SRRM3: variants seen among roughly 807,000 people sequenced by gnomAD.
SRRM3 encodes serine/arginine repetitive matrix protein 3.
A neutral mutation model predicts 66.2 loss-of-function variants in SRRM3; 27 were observed. The observed-to-expected ratio is 0.41, with a 90% CI of 0.30 to 0.56. The LOEUF (loss-of-function observed/expected upper bound fraction) is 0.56. Among genes scored for constraint, SRRM3 ranks in the 20% least tolerant of loss-of-function variants. The pLI, the probability that SRRM3 is intolerant of heterozygous loss-of-function variation, is 0.32. For missense variants in SRRM3, 918 were observed against 991.9 expected (o/e 0.93, Z 1.00); for synonymous variants, 391 against 414.9 (o/e 0.94, Z 0.70).
intron 10 of SRRM3, among the ~76,000 whole-genome samples, chr7:76,266,290 T>C (rs1468218155): frequency 8.3e-6 from 1 of 120,324 alleles, no homozygotes; most frequent in Non-Finnish European, 1.6e-5. Flanking sequence ...TATATATTTA[T>C]ATATTTAATA....
chr7:76,261,273 GCACCCAGGTCT>G, intron 6 of SRRM3, 68 bp from the exon 7 acceptor site: 1 of 907,332 alleles, frequency 1.1e-6, no homozygotes. Flanking sequence ...AATGTCCCAA[GCACCCAGGTCT>G]CTCCAGCCAT....
intron 3 of SRRM3, among the ~76,000 whole-genome samples, chr7:76,258,606 C>G (rs1246784994): frequency 6.7e-6 from 1 of 150,158 alleles, no homozygotes; most frequent in South Asian, 2.1e-4. Context: ...CCCAGCTACT[C>G]GGGAGGCTGA....
intron 11 of SRRM3, chr7:76,268,200 G>T (rs1554610066): frequency 1.3e-5 from 2 of 152,392 alleles, no homozygotes; most frequent in African/African-American, 4.8e-5. Flanking sequence ...CTACAGGCAG[G>T]TGCAATGGGG....
At chr7:76,259,761 C>A in intron 3 of SRRM3, 145 bp from the exon 4 acceptor site, 2 of 1,245,982 alleles carry the variant, frequency 1.6e-6, no homozygotes, top group Non-Finnish European at 2.2e-6. Context: ...CCCTGTAAGG[C>A]CAGGGGCCGC....
In SRRM3 at chr7:76,255,124, TTTTCTTTC is replaced by T. The variant is rs377584837; in HGVS notation, c.336-4762_336-4755del. On this transcript the variant is annotated intron_variant, in intron 3 of 14. Coordinates refer to ENST00000611745, the MANE Select transcript of SRRM3 (RefSeq NM_001110199.3). The stretch of plus-strand genomic sequence containing the variant: ...CATATTTGGGTAACATTATTTTTCC[TTTTCTTTC>T]TTTCTTTCTTTCTTTCTTTTTTTTT... 3.3e-3 allele frequency among the ~76,000 whole-genome samples: 460 copies of T among 139,506 alleles called. 7 individuals carry two copies. The highest frequency in any genetic ancestry group is 0.011 in the African/African-American group (389 of 34,088). The allele number at this position is 139,506 out of a possible 152,430, so 91.5% of individuals were successfully genotyped here.
At chr7:76,268,074 C>G (rs1259232649) in intron 11 of SRRM3, 1 of 151,900 alleles carries the variant, frequency 6.6e-6, no homozygotes, top group African/African-American at 2.4e-5. Flanking sequence ...CCTGCCGGCT[C>G]CTCTTCCCAC....
intron 1 of SRRM3, among the ~76,000 whole-genome samples, chr7:76,221,916 C>T (rs1554603253): frequency 6.6e-6 from 1 of 152,220 alleles, no homozygotes; most frequent in Admixed American, 6.5e-5. Context: ...CCTACCCAGG[C>T]ACTGTACACA....
intron 1 of SRRM3, among the ~76,000 whole-genome samples, chr7:76,221,926 A>C (rs1800732528): frequency 6.6e-6 from 1 of 152,198 alleles, no homozygotes; most frequent in African/African-American, 2.4e-5. Context: ...CACTGTACAC[A>C]CGTTATTCCT....
chr7:76,256,866 C>T (rs1343586650), intron 3 of SRRM3, among the ~76,000 whole-genome samples: 6 of 151,924 alleles, frequency 3.9e-5, no homozygotes, highest in Middle Eastern at 3.2e-3. Flanking sequence ...TGCGCCACCA[C>T]GCCTGGCTAA....
rs1554609947 is a variant in SRRM3, at chr7:76,267,455, CG to C, written c.1008+22del. 8.1e-7 allele frequency: 1 copy of C among 1,233,068 alleles called. No individual in the cohort carries two copies. Among genetic ancestry groups the C allele is most frequent in the East Asian group, 4.1e-5 (1 of 24,176 alleles). The allele number at this position is 1,233,068 out of a possible 1,614,324, so 76.4% of individuals were successfully genotyped here. A position where few individuals can be genotyped will look rare whatever the true frequency, so the allele number is the denominator to read the frequency against. ...CCCGATGTACGTACGCTTCGCTTTG[CG>C]GAGGGTTCCCGCGCCGCGGGCTGCG... On this transcript the variant is annotated intron_variant, in intron 11 of 14. Transcript: ENST00000611745.
chr7:76,229,191 C>T (rs531242207), intron 1 of SRRM3, among the ~76,000 whole-genome samples: 4 of 152,050 alleles, frequency 2.6e-5, no homozygotes, highest in African/African-American at 7.2e-5. Flanking sequence ...AGCCACCGCG[C>T]CCAGCCGAGA....
intron 11 of SRRM3, among the ~76,000 whole-genome samples, chr7:76,276,078 C>T (rs1481134998): frequency 7.1e-6 from 1 of 139,894 alleles, no homozygotes; most frequent in African/African-American, 3.1e-5. Flanking sequence ...AGACCCCCAT[C>T]TCAAAAAATA....
chr7:76,253,195 C>T (rs544288392), intron 3 of SRRM3, among the ~76,000 whole-genome samples: 1 of 144,630 alleles, frequency 6.9e-6, no homozygotes, highest in Non-Finnish European at 1.5e-5. Context: ...CATTAAAGAA[C>T]ACTGTTCTTG....
At chr7:76,258,541 C>T (rs959197423) in intron 3 of SRRM3, among the ~76,000 whole-genome samples, 1 of 150,890 alleles carries the variant, frequency 6.6e-6, no homozygotes, top group Non-Finnish European at 1.5e-5. Context: ...GGTGAAACCC[C>T]GTCTCTACTA....
At chr7:76,244,785 C>G (rs782754026) in intron 2 of SRRM3, among the ~76,000 whole-genome samples, 1 of 152,218 alleles carries the variant, frequency 6.6e-6, no homozygotes, top group Non-Finnish European at 1.5e-5. Context: ...CTCCAGTTCT[C>G]TCTTCTCCAG....
intron 1 of SRRM3, among the ~76,000 whole-genome samples, chr7:76,204,179 C>T (rs1009249045): frequency 3.9e-5 from 6 of 152,152 alleles, no homozygotes; most frequent in Admixed American, 1.3e-4. Flanking sequence ...CAGCTACTAG[C>T]GCTGCTGGGG....
chr7:76,283,222 G>A, intron 14 of SRRM3, 121 bp downstream of exon 14: 1 of 1,184,210 alleles, frequency 8.4e-7, no homozygotes, highest in Non-Finnish European at 1.1e-6. Context: ...CGGGGATGGG[G>A]GGGGGTGCTA....
intron 1 of SRRM3, among the ~76,000 whole-genome samples, chr7:76,206,664 T>C (rs1412592773): frequency 6.6e-6 from 1 of 152,196 alleles, no homozygotes; most frequent in Non-Finnish European, 1.5e-5. Context: ...GCTGCCTCAC[T>C]GACTGTTAGC....
intron 1 of SRRM3, among the ~76,000 whole-genome samples, chr7:76,228,343 C>G (rs1295456350): frequency 1.3e-5 from 2 of 151,958 alleles, no homozygotes; most frequent in African/African-American, 2.4e-5. Context: ...TTCTAAGGAC[C>G]AGTAGTATTG....
Sources: gnomAD v4.1 joint callset for allele counts (sites outside exome capture counted in the v4.1 genomes callset) on GRCh38, gnomAD v4.1.1 for gene constraint, MANE v1.5 for transcripts, NCBI Gene and HGNC (gene_info 2026-07-23, HGNC 2026-07-21) for gene names.